The following NANS variants were observed in gnomAD, a reference collection of about 807,000 sequenced individuals.
NANS encodes the protein N-acetylneuraminate synthase.
NANS carries 29 observed loss-of-function variants against 33.3 expected under a neutral mutation model. That is an observed-to-expected ratio of 0.87 (90% confidence interval 0.65 to 1.19). The LOEUF is 1.19. NANS is among the 50% of genes most tolerant of loss of function. The pLI, the probability that NANS is intolerant of heterozygous loss-of-function variation, is 0.00. For missense variants in NANS, 394 were observed against 461.1 expected (o/e 0.85, Z 1.33); for synonymous variants, 163 against 177.2 (o/e 0.92, Z 0.64).
intron 4 of NANS, among the ~76,000 whole-genome samples, 153 bp downstream of exon 4, chr9:98,078,500 C>T (rs1447656644): frequency 1.3e-5 from 2 of 151,990 alleles, no homozygotes; most frequent in Non-Finnish European, 2.9e-5. Context: ...TCGAGCTAAG[C>T]AGTTGAGGAA....
chr9:98,057,658 G>A (rs10818454), intron 1 of NANS, among the ~76,000 whole-genome samples: 43,502 of 151,848 alleles, frequency 0.29, 6,577 homozygotes, highest in Admixed American at 0.39. Context: ...GTAAATGCGT[G>A]CTCCCTCTTC....
At chr9:98,073,726 C>T (rs532737280) in intron 2 of NANS, among the ~76,000 whole-genome samples, 14 of 152,192 alleles carry the variant, frequency 9.2e-5, no homozygotes, top group African/African-American at 3.1e-4. Flanking sequence ...CCACAGGACA[C>T]AGTACAGAAA....
chr9:98,081,223 T>C, intron 5 of NANS, 141 bp downstream of exon 5: 3 of 1,072,004 alleles, frequency 2.8e-6, no homozygotes, highest in East Asian at 2.5e-5. Flanking sequence ...CCGTGTCAGC[T>C]TCTTCAGGCT....
chr9:98,065,361 G>A (rs1350360475), intron 2 of NANS, among the ~76,000 whole-genome samples: 1 of 137,502 alleles, frequency 7.3e-6, no homozygotes, highest in African/African-American at 2.9e-5. Context: ...TGCCCAGGCT[G>A]GAGTGCAATC....
chr9:98,062,490 GA>G (rs1829012109), intron 2 of NANS, among the ~76,000 whole-genome samples: 1 of 152,118 alleles, frequency 6.6e-6, no homozygotes, highest in Non-Finnish European at 1.5e-5. Context: ...TAACATTACA[GA>G]AAGTTTAGAA....
intron 2 of NANS, among the ~76,000 whole-genome samples, chr9:98,070,653 C>G (rs1174008624): frequency 6.6e-6 from 1 of 152,094 alleles, no homozygotes; most frequent in Non-Finnish European, 1.5e-5. Flanking sequence ...CTCCCGACCT[C>G]AGGTGATCCG....
intron 1 of NANS, among the ~76,000 whole-genome samples, 184 bp downstream of exon 1, chr9:98,057,124 C>G (rs1233124595): frequency 6.6e-6 from 1 of 152,242 alleles, no homozygotes; most frequent in Admixed American, 6.5e-5. Context: ...CCCTCGTGAC[C>G]TTTCTGCATT....
At chr9:98,082,767 G>A (rs1350626380) in intron 5 of NANS, 79 bp from the exon 6 acceptor site, 8 of 1,383,354 alleles carry the variant, frequency 5.8e-6, no homozygotes, top group Non-Finnish European at 8.0e-6. Flanking sequence ...AGACTGATCA[G>A]GGACCTTGAG....
chr9:98,078,529 G>C (rs1318995816), intron 4 of NANS, among the ~76,000 whole-genome samples, 182 bp downstream of exon 4: 2 of 152,060 alleles, frequency 1.3e-5, no homozygotes, highest in East Asian at 3.9e-4. Flanking sequence ...ATTCTAAAGA[G>C]GGTGACTGTA....
intron 2 of NANS, among the ~76,000 whole-genome samples, chr9:98,065,998 G>A (rs1164364579): frequency 6.6e-6 from 1 of 152,120 alleles, no homozygotes; most frequent in Non-Finnish European, 1.5e-5. Flanking sequence ...ACTTTGAGAA[G>A]CACTTTCATT....
chr9:98,064,823 C>T (rs1160764209), intron 2 of NANS, among the ~76,000 whole-genome samples: 1 of 152,228 alleles, frequency 6.6e-6, no homozygotes, highest in Non-Finnish European at 1.5e-5. Context: ...ACTGTGAATG[C>T]CTGAAAGCTC....
chr9:98,078,197 C>A lies in NANS; in HGVS notation c.453C>A (p.Arg151=). ...TGTTGGTGCTGGATTACTCAGGTCG[C>A]CCAATGGTGATCTCCAGTGGGATGC... ...PYLEKTAKKG[R]PMVISSGMQS... is the part of the protein sequence containing the mutation. Residue 151 remains arginine, a synonymous_variant, in exon 4 of 6, where the codon CGC becomes CGA. Coordinates refer to ENST00000210444, the MANE Select transcript of NANS (RefSeq NM_018946.4). 1 of 1,614,184 alleles carries A rather than the reference C, an allele frequency of 6.2e-7. No individual in the cohort carries two copies. Among genetic ancestry groups the A allele is most frequent in the South Asian group, 1.1e-5 (1 of 91,084 alleles).
chr9:98,079,850 G>A (rs139250882), intron 4 of NANS, among the ~76,000 whole-genome samples: 31 of 152,280 alleles, frequency 2.0e-4, no homozygotes, highest in Non-Finnish European at 2.5e-4. Flanking sequence ...GTAGCAACCC[G>A]CACTCCATCA....
chr9:98,072,398 A>G (rs548782599), intron 2 of NANS, among the ~76,000 whole-genome samples: 24 of 150,402 alleles, frequency 1.6e-4, no homozygotes, highest in Admixed American at 9.9e-4. Flanking sequence ...GGGCACAGGC[A>G]GTGAGGGAAA....
At chr9:98,078,542 T>C (rs1829697860) in intron 4 of NANS, among the ~76,000 whole-genome samples, 195 bp downstream of exon 4, 1 of 151,992 alleles carries the variant, frequency 6.6e-6, no homozygotes, top group Non-Finnish European at 1.5e-5. Flanking sequence ...TGACTGTAAA[T>C]GAAATTTTCT....
At chr9:98,065,483 A>AT (rs397837187) in intron 2 of NANS, among the ~76,000 whole-genome samples, 10,492 of 58,218 alleles carry the variant, frequency 0.18, 1,876 homozygotes, top group Admixed American at 0.2. Flanking sequence ...TGCCCAGCTA[A>AT]TTTTTTTTTT....
intron 1 of NANS, among the ~76,000 whole-genome samples, chr9:98,059,315 G>A (rs759473425): frequency 6.6e-6 from 1 of 152,170 alleles, no homozygotes; most frequent in African/African-American, 2.4e-5. Flanking sequence ...GAGCCACTGC[G>A]CCCGGCAGCC....
At position 98,056,903 on chromosome 9, in the gene NANS, A is replaced by G. The variant is rs1321105989; in HGVS notation, c.95A>G (p.Asp32Gly). The change falls in exon 1 of 6, where the codon GAC (aspartate) becomes GGC (glycine). Residue 32 changes from aspartate (D) to glycine (G), a missense_variant. By Grantham distance (94) the Asp-to-Gly change is moderately conservative (BLOSUM62 -1). Transcript: ENST00000210444. ...IAEIGQNHQG[D>G]LDVAKRMIRM... ...GAGATCGGCCAGAACCACCAGGGCG[A>G]CCTGGACGTAGCCAAGCGCATGATC... 6.2e-7 allele frequency: 1 copy of G among 1,610,474 alleles called. No individual in the cohort carries two copies. Among genetic ancestry groups the G allele is most frequent in the Non-Finnish European group, 8.5e-7 (1 of 1,178,694 alleles).
chr9:98,057,086 G>A, intron 1 of NANS, 146 bp downstream of exon 1: 1 of 1,204,996 alleles, frequency 8.3e-7, no homozygotes, highest in Non-Finnish European at 1.1e-6. Context: ...GGAATCCTTC[G>A]GATCCCTCTT....
Sources: gnomAD v4.1 joint callset for allele counts (sites outside exome capture counted in the v4.1 genomes callset) on GRCh38, gnomAD v4.1.1 for gene constraint, MANE v1.5 for transcripts, NCBI Gene and HGNC (gene_info 2026-07-23, HGNC 2026-07-21) for gene names.